The following HOXA3 variants were observed in gnomAD, a reference collection of about 807,000 sequenced individuals.
HOXA3 encodes homeobox A3.
In HOXA3, 8 loss-of-function variants were observed where a neutral mutation model predicts 30.3. That is an observed-to-expected ratio of 0.26 (90% CI 0.15 to 0.48). The LOEUF is 0.48. Among genes scored for constraint, HOXA3 ranks in the 20% least tolerant of loss-of-function variants. The pLI, the probability that HOXA3 is intolerant of heterozygous loss-of-function variation, is 0.99. For missense variants in HOXA3, 653 were observed against 614.4 expected (o/e 1.06, Z -0.66); for synonymous variants, 323 against 273.1 (o/e 1.18, Z -1.80).
chr7:27,139,371 G>C (rs1397871663), intron 2 of HOXA3, among the ~76,000 whole-genome samples: 1 of 152,154 alleles, frequency 6.6e-6, no homozygotes, highest in African/African-American at 2.4e-5. Context: ...GGTCCTCAGG[G>C]TCCAGTGGGC....
intron 3 of HOXA3, chr7:27,123,360 G>T (rs145412659): frequency 0.011 from 1,747 of 152,490 alleles, 38 homozygotes; most frequent in African/African-American, 0.039. Flanking sequence ...CCCTGCTCCT[G>T]CCTGGCCTTG....
rs73071548 is a variant in HOXA3, at chr7:27,107,811, A to G, written c.*104T>C. On this transcript the variant is annotated 3_prime_UTR_variant, in exon 6 of 6. Coordinates refer to ENST00000612286, the MANE Select transcript of HOXA3 (RefSeq NM_153631.3). ...GGGCGGAGAAGAGAGAAAAGGAAGG[A>G]AGGAAAGGGCAGGAAGAACCTAAAA... 72,934 of 765,346 alleles carry G rather than the reference A, an allele frequency of 0.095. 4,580 individuals carry two copies. Among genetic ancestry groups the G allele is most frequent in the Admixed American group, 0.2 (6,974 of 35,264 alleles). 47.4% of individuals were successfully genotyped at this position (765,346 alleles called of 1,614,324 possible). A position where few individuals can be genotyped will look rare whatever the true frequency, so the allele number is the denominator to read the frequency against.
chr7:27,116,193 G>C (rs201668437), intron 4 of HOXA3: 2 of 152,624 alleles, frequency 1.3e-5, no homozygotes, highest in Non-Finnish European at 2.9e-5. Flanking sequence ...TCTCATCCAG[G>C]GGGACTAGAA....
chr7:27,111,906 G>T lies in HOXA3; in HGVS notation c.-120-1146C>A, dbSNP rs138923395. Among the ~76,000 whole-genome samples, 193 of 152,322 alleles carry T rather than the reference G, an allele frequency of 1.3e-3. 1 individual carries two copies. In the East Asian group the frequency reaches 0.014, roughly 11 times the overall value. On this transcript the variant is annotated intron_variant, in intron 4 of 5. Transcript: ENST00000612286. ...GGTCATTTGGCTCCCGACGAGGGAT[G>T]GAAGCACAAGCCATAAAATCCTGCC...
intron 4 of HOXA3, among the ~76,000 whole-genome samples, chr7:27,119,166 A>T (rs1171469659): frequency 1.7e-5 from 2 of 119,178 alleles, no homozygotes; most frequent in East Asian, 2.9e-4. Flanking sequence ...CCCAAAAAAA[A>T]TAAGAAAAAA....
chr7:27,140,294 A>C (rs1038488901), intron 1 of HOXA3, 108 bp from the exon 2 acceptor site: 19 of 152,190 alleles, frequency 1.2e-4, no homozygotes, highest in African/African-American at 4.3e-4. Flanking sequence ...TAATGGCCCC[A>C]CGTGACGTTT....
intron 2 of HOXA3, chr7:27,130,385 C>A: frequency 8.7e-7 from 1 of 1,152,306 alleles, no homozygotes; most frequent in Non-Finnish European, 1.1e-6. Flanking sequence ...GGGGGCTGCT[C>A]GGGCTGGGGC....
chr7:27,121,059 A>G (rs1202087853), intron 4 of HOXA3: 2 of 152,278 alleles, frequency 1.3e-5, no homozygotes, highest in Non-Finnish European at 2.9e-5. Flanking sequence ...ACACACCGTT[A>G]GCCAATATTT....
chr7:27,125,129 C>T (rs995367288), intron 3 of HOXA3, among the ~76,000 whole-genome samples: 2 of 152,216 alleles, frequency 1.3e-5, no homozygotes, highest in African/African-American at 4.8e-5. Context: ...TACCTCCATT[C>T]CTGGCAGAAT....
intron 2 of HOXA3, chr7:27,128,167 C>T (rs1366811100): frequency 6.6e-6 from 1 of 152,152 alleles, no homozygotes; most frequent in Non-Finnish European, 1.5e-5. Context: ...CTCCTGGGCC[C>T]ACAGCACTGC....
At chr7:27,138,023 A>G (rs940877208) in intron 2 of HOXA3, among the ~76,000 whole-genome samples, 1 of 152,186 alleles carries the variant, frequency 6.6e-6, no homozygotes, top group Admixed American at 6.5e-5. Context: ...CTAAAATGGA[A>G]CCATAACGCA....
In HOXA3 at chr7:27,108,819, T is replaced by C. The variant is rs1200563749; in HGVS notation, c.527-99A>G. 4 of 865,850 alleles carry C rather than the reference T, an allele frequency of 4.6e-6. No individual in the cohort carries two copies. Among genetic ancestry groups the C allele is most frequent in the Non-Finnish European group, 7.0e-6 (4 of 574,068 alleles). 53.6% of individuals were successfully genotyped at this position (865,850 alleles called of 1,614,324 possible). On this transcript the variant is annotated intron_variant, in intron 5 of 5. Coordinates refer to ENST00000612286, the MANE Select transcript of HOXA3 (RefSeq NM_153631.3). The surrounding 1 kb of genome is among the most constrained non-coding windows in gnomAD (Gnocchi z 5.0). ...CCCTCCTTCCACCAGGCCCCAAAGG[T>C]TCCTGCATCCGTCAGGTCCCAGAGA...
At chr7:27,129,271 G>A in intron 2 of HOXA3, 1 of 1,610,008 alleles carries the variant, frequency 6.2e-7, no homozygotes. Context: ...GTGGGGGTGG[G>A]GATGGAGGTG....
Position 27,108,022 on chromosome 7 carries a change from G to T in HOXA3, c.1225C>A (p.His409Asn), listed in dbSNP as rs1583413435. ...GGCTCCCCAGGCCCCGGCCCGTGGTGGTGGCCGCTGCCCAGCGGCCCGGCA... is the reference window on the plus strand; with the variant it reads ...GGCTCCCCAGGCCCCGGCCCGTGGTTGTGGCCGCTGCCCAGCGGCCCGGCA... ...GGAGPLGSGH[H>N]HGPGPGEPHP... Residue 409 changes from histidine to asparagine, a missense_variant, in exon 6 of 6, where the codon CAC (histidine) becomes AAC (asparagine). By Grantham distance (68) the His-to-Asn change is moderately conservative. Around this residue, in one of 3 missense-constraint regions of HOXA3, gnomAD observed 330 missense variants for 274.4 expected, o/e 1.20. Transcript: ENST00000612286. The surrounding 1 kb of genome is among the most constrained non-coding windows in gnomAD (Gnocchi z 5.0). 6.2e-7 allele frequency: 1 copy of T among 1,612,808 alleles called. No homozygotes were observed. The highest frequency in any genetic ancestry group is 2.2e-5 in the East Asian group (1 of 44,828).
chr7:27,145,405 G>T, intron 1 of HOXA3: 1 of 574,390 alleles, frequency 1.7e-6, no homozygotes, highest in South Asian at 2.1e-5. Context: ...CTGGGTGTGT[G>T]CAGTGCGCCC....
intron 2 of HOXA3, among the ~76,000 whole-genome samples, chr7:27,136,628 AC>A (rs1317679446): frequency 6.6e-6 from 1 of 152,070 alleles, no homozygotes; most frequent in African/African-American, 2.4e-5. Flanking sequence ...CATTTACTTA[AC>A]CCGGCAGTGA....
chr7:27,145,459 TTTGTTTTG>T, intron 1 of HOXA3: 2 of 227,250 alleles, frequency 8.8e-6, no homozygotes, highest in South Asian at 1.2e-4. Context: ...TTTGTTTTGT[TTTGTTTTG>T]TTTTGTTTTG....
At position 27,108,513 on chromosome 7, in the gene HOXA3, T is replaced by C; in HGVS notation, c.734A>G (p.Lys245Arg). 1.2e-6 allele frequency: 2 copies of C among 1,614,104 alleles called. No individual in the cohort carries two copies. Among genetic ancestry groups the C allele is most frequent in the Non-Finnish European group, 1.7e-6 (2 of 1,179,982 alleles). The change falls in exon 6 of 6, where the codon AAG becomes AGG. Residue 245 changes from lysine to arginine, a missense_variant. This residue lies in a region of HOXA3 where 3 missense variants were observed against 18.1 expected (regional missense o/e 0.17). Coordinates refer to ENST00000612286, the MANE Select transcript of HOXA3 (RefSeq NM_153631.3). The surrounding 1 kb of genome is among the most constrained non-coding windows in gnomAD (Gnocchi z 5.0). ...CTTGCCCTTCTGATCCTTTTTGTAC[T>C]TCATGCGGCGATTCTGGAACCAGAT... ...IKIWFQNRRM[K>R]YKKDQKGKGM...
intron 4 of HOXA3, among the ~76,000 whole-genome samples, chr7:27,112,979 A>T (rs1423609148): frequency 6.6e-6 from 1 of 152,202 alleles, no homozygotes; most frequent in African/African-American, 2.4e-5. Context: ...CTGGGATCCC[A>T]CCAAAATCCT....
Sources: allele counts gnomAD v4.1 joint callset (sites outside exome capture counted in the v4.1 genomes callset), GRCh38; gene constraint gnomAD v4.1.1; regional missense constraint gnomAD v4.1.1; non-coding constraint Gnocchi (gnomAD v3.1); transcripts MANE v1.5; gene names NCBI Gene and HGNC (gene_info 2026-07-23, HGNC 2026-07-21).